Variants in ATXN7L1 observed in about 807,000 individuals in gnomAD.
ATXN7L1 encodes ataxin-7-like protein 1.
A neutral mutation model predicts 70.8 loss-of-function variants in ATXN7L1; 15 were observed. That is an observed-to-expected ratio of 0.21 (90% CI 0.14 to 0.33). The LOEUF (loss-of-function observed/expected upper bound fraction) is 0.33, where lower values mean the gene tolerates loss of function less well. Ranked by LOEUF, ATXN7L1 falls within the 10% of genes least tolerant of loss-of-function variation. ATXN7L1 has a pLI of 1.00. For synonymous variants in ATXN7L1, 440 were observed against 445.1 expected (o/e 0.99, Z 0.14); for missense variants, 975 against 1,097.1 (o/e 0.89, Z 1.57).
rs1306610214 is a variant in ATXN7L1, at chr7:105,668,787, C to T, written c.356-3499G>A. 2.0e-5 allele frequency among the ~76,000 whole-genome samples: 3 copies of T among 152,046 alleles called. No homozygotes were observed. The East Asian group carries it at 5.8e-4, about 29-fold the overall frequency. On this transcript the variant is annotated intron_variant, in intron 3 of 11. Transcript: ENST00000419735. ...GGCATGGTGGCTCATGCCTATAATC[C>T]TGGCACTTTGGCTGGCCAAGGTGGG...
Position 105,613,977 on chromosome 7 carries a change from C to T in ATXN7L1, c.2357G>A (p.Ser786Asn). ...TTTAGTGATTTTACAGGCTTTGCTA[C>T]TAGAACTCGAGTTCTTACGCTTTTT... ...EGKKRKNSSS[S>N]SKACKITKMP... is the part of the protein sequence containing the mutation. The change falls in exon 10 of 12, where the codon AGT becomes AAT. Residue 786 changes from serine to asparagine, a missense_variant. By Grantham distance (46) the Ser-to-Asn change is conservative. Around this residue, in one of 5 missense-constraint regions of ATXN7L1, gnomAD observed 635 missense variants for 699.4 expected, o/e 0.91. Transcript: ENST00000419735. 3 of 1,552,304 alleles carry T rather than the reference C, an allele frequency of 1.9e-6. No individual in the cohort carries two copies. Among genetic ancestry groups the T allele is most frequent in the Non-Finnish European group, 2.6e-6 (3 of 1,147,120 alleles).
At chr7:105,662,051 C>A (rs201214763) in intron 4 of ATXN7L1, among the ~76,000 whole-genome samples, 1 of 91,932 alleles carries the variant, frequency 1.1e-5, no homozygotes, top group East Asian at 6.5e-4. Context: ...TCCTTCCTTC[C>A]TTCCTTCCTT....
chr7:105,685,917 G>A (rs1806135290), intron 3 of ATXN7L1, among the ~76,000 whole-genome samples: 1 of 152,158 alleles, frequency 6.6e-6, no homozygotes, highest in Admixed American at 6.5e-5. Context: ...TGCAAAGCAT[G>A]GTCAGAGGTC....
intron 3 of ATXN7L1, among the ~76,000 whole-genome samples, chr7:105,754,744 G>A (rs998791275): frequency 6.6e-6 from 1 of 152,218 alleles, no homozygotes; most frequent in Non-Finnish European, 1.5e-5. Context: ...ACTGGCATGA[G>A]CCACCATACT....
intron 2 of ATXN7L1, among the ~76,000 whole-genome samples, chr7:105,851,788 G>A (rs1391219222): frequency 6.6e-6 from 1 of 152,122 alleles, no homozygotes; most frequent in Non-Finnish European, 1.5e-5. Context: ...CCATCCCCAG[G>A]AGAAATGTGC....
chr7:105,639,526 G>C lies in ATXN7L1; in HGVS notation c.906C>G (p.Pro302=). The C allele has an allele frequency of 6.4e-7, 1 of 1,551,224 alleles. No individual in the cohort carries two copies. ...ATCTTGTGCAAGGTTTCTTTGTCTC[G>C]GGATCCAATACTCCACAGTGTTTAT... ...DPNKHCGVLD[P]ETKKPCTRSL... The change falls in exon 6 of 12, where the codon CCC becomes CCG. Residue 302 remains proline, a synonymous_variant. Coordinates refer to ENST00000419735, the MANE Select transcript of ATXN7L1 (RefSeq NM_020725.2).
At chr7:105,622,655 T>C (rs766750175) in intron 8 of ATXN7L1, among the ~76,000 whole-genome samples, 34 of 152,228 alleles carry the variant, frequency 2.2e-4, no homozygotes, top group Admixed American at 1.5e-3. Flanking sequence ...GGCTGGTTCC[T>C]CCTGCGTCAC....
rs139265616 is a variant in ATXN7L1 at position 105,815,643 on chromosome 7, T to G, written c.251-26935A>C. Among the ~76,000 whole-genome samples the G allele has an allele frequency of 2.3e-3, 352 of 152,368 alleles. 1 individual carries two copies. The highest frequency in any genetic ancestry group is 8.0e-3 in the African/African-American group (333 of 41,586). On this transcript the variant is annotated intron_variant, in intron 2 of 11. Transcript: ENST00000419735. ...CAAAAACTTTGCCTCCCAGGCACTC[T>G]TTCTCAGGAAGCTGTCAGAGGATGT...
rs535454002 is a variant in ATXN7L1, at chr7:105,644,160, G to C, written c.579-1039C>G. On this transcript the variant is annotated intron_variant, in intron 4 of 11. Coordinates refer to ENST00000419735, the MANE Select transcript of ATXN7L1 (RefSeq NM_020725.2). ...TGCAGACAATGTAGGGCAGGAAAGA[G>C]GGGCTGTTTTTGGCAGGAAAAGAAT... 2.0e-5 allele frequency among the ~76,000 whole-genome samples: 3 copies of C among 152,312 alleles called. No individual in the cohort carries two copies. The South Asian group carries it at 6.2e-4, about 32-fold the overall frequency.
At chr7:105,812,738 C>T (rs568062792) in intron 2 of ATXN7L1, among the ~76,000 whole-genome samples, 130 of 152,296 alleles carry the variant, frequency 8.5e-4, no homozygotes, top group Non-Finnish European at 1.6e-3. Flanking sequence ...TGGTGGCTCA[C>T]GCCTGTAATC....
intron 3 of ATXN7L1, among the ~76,000 whole-genome samples, chr7:105,769,609 C>T (rs1801719640): frequency 6.6e-6 from 1 of 151,926 alleles, no homozygotes; most frequent in South Asian, 2.1e-4. Flanking sequence ...TGACTCAGGC[C>T]TAAGGGATTT....
At chr7:105,797,440 G>A (rs1027962775) in intron 2 of ATXN7L1, among the ~76,000 whole-genome samples, 7 of 152,216 alleles carry the variant, frequency 4.6e-5, no homozygotes, top group Non-Finnish European at 8.8e-5. Flanking sequence ...ATGTATGGAG[G>A]CGAAGGGGCT....
intron 2 of ATXN7L1, among the ~76,000 whole-genome samples, chr7:105,840,275 C>T (rs966661289): frequency 1.3e-5 from 2 of 152,212 alleles, no homozygotes; most frequent in Non-Finnish European, 2.9e-5. Flanking sequence ...TGGAGAGTCA[C>T]TAACCAGGCA....
rs1199763580 is a variant in ATXN7L1 at position 105,605,070 on chromosome 7, G to A, written c.*2782C>T. ...TTTTTTTTTTTTTTTTTTTTTTATG[G>A]CTGACAGGTCTATGCATTGCGTTAT... On this transcript the variant is annotated 3_prime_UTR_variant, in exon 12 of 12. Transcript: ENST00000419735. 1 of 34,230 alleles carries A rather than the reference G, an allele frequency of 2.9e-5. No homozygotes were observed. The highest frequency in any genetic ancestry group is 4.0e-4 in the Admixed American group (1 of 2,506). The allele number at this position is 34,230 out of a possible 1,614,324, so 2.1% of individuals were successfully genotyped here.
chr7:105,690,350 A>G (rs1790611714), intron 3 of ATXN7L1, among the ~76,000 whole-genome samples: 1 of 152,194 alleles, frequency 6.6e-6, no homozygotes, highest in South Asian at 2.1e-4. Flanking sequence ...GGAGAAAAGA[A>G]AGCCTCTCTT....
At chr7:105,697,760 A>G (rs1019495103) in intron 3 of ATXN7L1, among the ~76,000 whole-genome samples, 1 of 152,222 alleles carries the variant, frequency 6.6e-6, no homozygotes, top group Non-Finnish European at 1.5e-5. Context: ...AGAAATTACA[A>G]AAGTATTAAT....
Position 105,702,545 on chromosome 7 carries a change from A to AACAC in ATXN7L1, c.356-37261_356-37258dup, listed in dbSNP as rs10541042. On this transcript the variant is annotated intron_variant, in intron 3 of 11. Coordinates refer to ENST00000419735, the MANE Select transcript of ATXN7L1 (RefSeq NM_020725.2). ...GCCCCTTACACACACACAGACCCACAACACACACACACACACACAGACACA... is the reference window on the plus strand; with the variant it reads ...GCCCCTTACACACACACAGACCCACAACACACACACACACACACACACAGACACA... Among the ~76,000 whole-genome samples, 5 of 150,064 alleles carry AACAC rather than the reference A, an allele frequency of 3.3e-5. No homozygotes were observed. The East Asian group carries it at 7.8e-4, about 23-fold the overall frequency.
intron 7 of ATXN7L1, 69 bp downstream of exon 7, chr7:105,638,284 T>A (rs1415798233): frequency 1.4e-6 from 2 of 1,476,806 alleles, no homozygotes; most frequent in Non-Finnish European, 1.8e-6. Context: ...TCAGACCACA[T>A]GCCACAGACC....
intron 3 of ATXN7L1, among the ~76,000 whole-genome samples, chr7:105,693,534 CCCATCCAT>C (rs36181010): frequency 0.19 from 26,172 of 139,564 alleles, 2,964 homozygotes; most frequent in Middle Eastern, 0.3. Flanking sequence ...AATCTAATGC[CCCATCCAT>C]CCATCCATCC....
Sources: allele counts gnomAD v4.1 joint callset (sites outside exome capture counted in the v4.1 genomes callset), GRCh38; gene constraint gnomAD v4.1.1; regional missense constraint gnomAD v4.1.1; transcripts MANE v1.5; gene names NCBI Gene and HGNC (gene_info 2026-07-23, HGNC 2026-07-21).